MAP3K7CL: variants seen among roughly 807,000 people sequenced by gnomAD.
MAP3K7CL encodes MAP3K7 C-terminal like, also known as MAP3K7 C-terminal-like protein.
Under a neutral mutation model 18.6 loss-of-function variants are expected in MAP3K7CL, and 16 were observed. That is an observed-to-expected ratio of 0.86 (90% CI 0.58 to 1.31). The LOEUF (loss-of-function observed/expected upper bound fraction) is 1.31, where lower values mean the gene tolerates loss of function less well. Ranked by LOEUF, MAP3K7CL falls within the 50% of genes most tolerant of loss-of-function variation. The pLI, the probability that MAP3K7CL is intolerant of heterozygous loss-of-function variation, is 0.00. For synonymous variants in MAP3K7CL, 65 were observed against 66.8 expected, an observed-to-expected ratio of 0.97 and a Z score of 0.13; for missense variants, 163 against 174.4, an observed-to-expected ratio of 0.93 and a Z score of 0.37.
chr21:29,160,752 A>G (rs1055758670), intron 4 of MAP3K7CL, among the ~76,000 whole-genome samples: 1 of 152,192 alleles, frequency 6.6e-6, no homozygotes, highest in Admixed American at 6.5e-5. Context: ...CTTGATTACT[A>G]GGATCTTTTG....
chr21:29,174,654 T>A, intron 4 of MAP3K7CL, 58 bp from the exon 5 acceptor site: 2 of 1,579,826 alleles, frequency 1.3e-6, no homozygotes, highest in Non-Finnish European at 1.7e-6. Flanking sequence ...TACTGAATAA[T>A]TTAATTTGCT....
In MAP3K7CL at chr21:29,167,745, G is replaced by T. The variant is rs146782656; in HGVS notation, c.249-6967G>T. ...GATAGAGTCTTGCTCTGTCACCCAGGCTGGAATGCAGTGGCGCGATCTCGG... is the reference window on the plus strand; with the variant it reads ...GATAGAGTCTTGCTCTGTCACCCAGTCTGGAATGCAGTGGCGCGATCTCGG... On this transcript the variant is annotated intron_variant, in intron 4 of 4. Coordinates refer to ENST00000399928, the MANE Select transcript of MAP3K7CL (RefSeq NM_001286620.2). 2.8e-3 allele frequency among the ~76,000 whole-genome samples: 416 copies of T among 145,996 alleles called. 1 individual carries two copies. The highest frequency in any genetic ancestry group is 0.01 in the African/African-American group (399 of 38,494).
At chr21:29,119,346 CA>C (rs1287556958) in intron 4 of MAP3K7CL, among the ~76,000 whole-genome samples, 1 of 152,214 alleles carries the variant, frequency 6.6e-6, no homozygotes, top group Non-Finnish European at 1.5e-5. Context: ...ATCACTAATT[CA>C]ACCCTAAAGG....
rs1257887505 is a variant in MAP3K7CL, at chr21:29,171,827, AAAC to A, written c.249-2880_249-2878del. Among the ~76,000 whole-genome samples the A allele has an allele frequency of 1.5e-3, 212 of 139,744 alleles. 2 individuals are homozygous for A. The highest frequency in any genetic ancestry group is 4.4e-3 in the African/African-American group (161 of 36,210). 91.7% of individuals were successfully genotyped at this position (139,744 alleles called of 152,430 possible). On this transcript the variant is annotated intron_variant, in intron 4 of 4. Transcript: ENST00000399928. The stretch of plus-strand genomic sequence containing the variant: ...ATCTCAAAAAAAAAAAAAAAAAAAA[AAAC>A]AACACTCCCATATATCCTTTACTGG...
chr21:29,089,820 G>A (rs553450440), intron 1 of MAP3K7CL, among the ~76,000 whole-genome samples: 1 of 151,494 alleles, frequency 6.6e-6, no homozygotes, highest in East Asian at 1.9e-4. Flanking sequence ...AAGAAAGGGA[G>A]GAAGGGAGGG....
intron 4 of MAP3K7CL, among the ~76,000 whole-genome samples, chr21:29,119,307 G>C (rs1259837902): frequency 6.6e-6 from 1 of 152,190 alleles, no homozygotes; most frequent in Non-Finnish European, 1.5e-5. Flanking sequence ...TTGTTTGTTT[G>C]TTTGCTTGCC....
Position 29,130,928 on chromosome 21 carries a change from GC to G in MAP3K7CL, c.-40+7del. The G allele has an allele frequency of 1.0e-6, 1 of 985,412 alleles. No individual in the cohort carries two copies. Among genetic ancestry groups the G allele is most frequent in the African/African-American group, 1.7e-5 (1 of 57,366 alleles). The allele number at this position is 985,412 out of a possible 1,614,324, so 61.0% of individuals were successfully genotyped here. A position where few individuals can be genotyped will look rare whatever the true frequency, so the allele number is the denominator to read the frequency against. On this transcript the variant is annotated splice_donor_region_variant and intron_variant, in intron 1 of 4. Transcript: ENST00000399928. The stretch of plus-strand genomic sequence containing the variant: ...GCAGACACTCAACTAAGTGAGGTAA[GC>G]CAACAGGTGTGAAAACTGAACTAAA...
chr21:29,084,319 A>G (rs955627255), upstream of MAP3K7CL, among the ~76,000 whole-genome samples: 5 of 152,126 alleles, frequency 3.3e-5, no homozygotes, highest in Non-Finnish European at 5.9e-5. Context: ...AATAATGGGA[A>G]CTAGAGGGTC....
At chr21:29,147,801 T>C (rs2087171429) in intron 2 of MAP3K7CL, among the ~76,000 whole-genome samples, 1 of 151,846 alleles carries the variant, frequency 6.6e-6, no homozygotes, top group Non-Finnish European at 1.5e-5. Flanking sequence ...ATCTGTACTG[T>C]ATATGTGTAC....
intron 4 of MAP3K7CL, chr21:29,109,017 C>G: frequency 1.3e-6 from 2 of 1,504,754 alleles, no homozygotes; most frequent in South Asian, 1.2e-5. Context: ...TTTCTAGAAT[C>G]AGAAAATTCT....
At chr21:29,092,644 TG>T in intron 4 of MAP3K7CL, 1 of 1,593,150 alleles carries the variant, frequency 6.3e-7, no homozygotes, top group Non-Finnish European at 8.6e-7. Flanking sequence ...CACTGCACCA[TG>T]GGAGCCTAAG....
intron 4 of MAP3K7CL, among the ~76,000 whole-genome samples, chr21:29,103,596 G>C (rs545307143): frequency 6.6e-6 from 1 of 152,050 alleles, no homozygotes; most frequent in African/African-American, 2.4e-5. Flanking sequence ...TTAGCCAGGC[G>C]TGGTGGCATG....
intron 4 of MAP3K7CL, among the ~76,000 whole-genome samples, chr21:29,101,471 G>T (rs559554580): frequency 1.3e-5 from 2 of 152,078 alleles, no homozygotes; most frequent in Non-Finnish European, 2.9e-5. Flanking sequence ...GTGCAGTGGC[G>T]CCATCTCTGC....
At position 29,160,067 on chromosome 21, in the gene MAP3K7CL, AC is replaced by A. The variant is rs112831450; in HGVS notation, c.248+17del. ...GCTTGAGCAAAGGAAGTAAGTACCT[AC>A]CCCCCTCACTCTACATCTGAGCACT... On this transcript the variant is annotated intron_variant, in intron 4 of 4. Transcript: ENST00000399928. 5 of 1,600,006 alleles carry A rather than the reference AC, an allele frequency of 3.1e-6. No homozygotes were observed. In the Admixed American group the frequency reaches 8.3e-5, roughly 27 times the overall value.
chr21:29,126,170 T>C (rs1441627876), upstream of MAP3K7CL, among the ~76,000 whole-genome samples: 1 of 152,204 alleles, frequency 6.6e-6, no homozygotes, highest in African/African-American at 2.4e-5. Context: ...GGCTGTCCAC[T>C]GGATGTTCAG....
chr21:29,107,319 A>C (rs2086341080), intron 4 of MAP3K7CL, among the ~76,000 whole-genome samples: 1 of 152,126 alleles, frequency 6.6e-6, no homozygotes, highest in Non-Finnish European at 1.5e-5. Context: ...CATCTAAAAA[A>C]AGGAAAGAAA....
chr21:29,091,653 C>CT lies in MAP3K7CL; in HGVS notation c.134-6dup, dbSNP rs566825852. The stretch of plus-strand genomic sequence containing the variant: ...ACCACATCCAGCTAAGTTTTTCTTT[C>CT]TTTTTTTTTCATAGAGATGGAGTCT... On this transcript the variant is annotated splice_polypyrimidine_tract_variant and intron_variant, in intron 2 of 6. Transcript: ENST00000286791. The CT allele has an allele frequency of 6.1e-3, 4,266 of 695,816 alleles. 16 individuals carry two copies. The highest frequency in any genetic ancestry group is 9.4e-3 in the Non-Finnish European group (3,576 of 381,538). 43.1% of individuals were successfully genotyped at this position (695,816 alleles called of 1,614,324 possible). A position where few individuals can be genotyped will look rare whatever the true frequency, so the allele number is the denominator to read the frequency against.
upstream of MAP3K7CL, chr21:29,085,831 G>C (rs528201578): frequency 1.9e-6 from 3 of 1,612,762 alleles, no homozygotes; most frequent in African/African-American, 4.0e-5. Flanking sequence ...CAACTTGAGT[G>C]GTTAAATTAC....
intron 4 of MAP3K7CL, among the ~76,000 whole-genome samples, chr21:29,170,922 A>G (rs1319985680): frequency 7.0e-6 from 1 of 143,572 alleles, no homozygotes; most frequent in Admixed American, 7.1e-5. Flanking sequence ...TACAGGTGTG[A>G]GCCTCTGTGC....
Sources: allele counts gnomAD v4.1 joint callset (sites outside exome capture counted in the v4.1 genomes callset), GRCh38; gene constraint gnomAD v4.1.1; transcripts MANE v1.5; gene names NCBI Gene and HGNC (gene_info 2026-07-23, HGNC 2026-07-21).